RYR2: variants seen among roughly 807,000 people sequenced by gnomAD.
The protein encoded by RYR2 is cardiac muscle ryanodine receptor-calcium release channel.
A neutral mutation model predicts 601.1 loss-of-function variants in RYR2; 227 were observed. The observed-to-expected ratio is 0.38, with a 90% confidence interval of 0.34 to 0.42. The LOEUF (loss-of-function observed/expected upper bound fraction) is 0.42, where lower values mean the gene tolerates loss of function less well. Among genes scored for constraint, RYR2 ranks in the 10% least tolerant of loss-of-function variants. The pLI is 1.00. For missense variants in RYR2, 4,646 were observed against 6,156.5 expected (o/e 0.75, Z 8.21); for synonymous variants, 2,223 against 2,175.1 (o/e 1.02, Z -0.61).
intron 10 of RYR2, among the ~76,000 whole-genome samples, chr1:237,405,210 C>T (rs968251330): frequency 1.3e-5 from 2 of 152,300 alleles, no homozygotes; most frequent in Middle Eastern, 3.4e-3. Context: ...AGGACTGACC[C>T]TAAATTGTAG....
intron 2 of RYR2, among the ~76,000 whole-genome samples, chr1:237,300,944 G>A (rs1002129761): frequency 6.6e-6 from 1 of 151,980 alleles, no homozygotes; most frequent in African/African-American, 2.4e-5. Context: ...TCATGGAAAA[G>A]CAGAGTTCCT....
chr1:237,304,788 G>A (rs964699912), intron 2 of RYR2, among the ~76,000 whole-genome samples: 2 of 152,082 alleles, frequency 1.3e-5, no homozygotes, highest in African/African-American at 4.8e-5. Flanking sequence ...GGAAAACTCC[G>A]TTTTATTATT....
At chr1:237,607,371 C>A (rs1221649657) in intron 35 of RYR2, among the ~76,000 whole-genome samples, 2 of 144,034 alleles carry the variant, frequency 1.4e-5, no homozygotes, top group East Asian at 2.4e-4. Context: ...GGGAATTGAA[C>A]AATGAAAACA....
Position 237,713,197 on chromosome 1 carries a change from G to T in RYR2, c.10323+1360G>T, listed in dbSNP as rs569410539. On this transcript the variant is annotated intron_variant, in intron 71 of 104. Transcript: ENST00000366574. ...CCCTCTTTTCCATCAGTTGAGTCCA[G>T]TGATTCTCAAAGATACTCTCAAAGC... Among the ~76,000 whole-genome samples the T allele has an allele frequency of 6.9e-4, 105 of 152,196 alleles. 1 individual carries two copies. The South Asian group carries it at 9.9e-3, about 14-fold the overall frequency.
intron 3 of RYR2, among the ~76,000 whole-genome samples, chr1:237,339,873 C>T (rs2149607829): frequency 6.6e-6 from 1 of 152,280 alleles, no homozygotes; most frequent in East Asian, 1.9e-4. Flanking sequence ...CCAGGAATTC[C>T]CTGGCAGAAT....
intron 1 of RYR2, among the ~76,000 whole-genome samples, chr1:237,138,244 G>C (rs963294608): frequency 3.3e-5 from 5 of 152,082 alleles, no homozygotes; most frequent in African/African-American, 1.2e-4. Flanking sequence ...TGTTGCCCAG[G>C]CTGGTCTTGA....
In RYR2 at chr1:237,425,494, C is replaced by T. The variant is rs146690754; in HGVS notation, c.1005+2246C>T. ...ACTAAAAATACAAAAATTAGTCGGG[C>T]GTGGTGACATGTGCCTGCAGTCCCA... On this transcript the variant is annotated intron_variant, in intron 12 of 104. Coordinates refer to ENST00000366574, the MANE Select transcript of RYR2 (RefSeq NM_001035.3). 1.4e-3 allele frequency among the ~76,000 whole-genome samples: 209 copies of T among 152,036 alleles called. 3 individuals are homozygous for T. Among genetic ancestry groups the T allele is most frequent in the African/African-American group, 4.3e-3 (179 of 41,504 alleles).
intron 100 of RYR2, among the ~76,000 whole-genome samples, chr1:237,815,298 G>T (rs1574068012): frequency 6.6e-6 from 1 of 152,212 alleles, no homozygotes; most frequent in Non-Finnish European, 1.5e-5. Context: ...GTGGATAAAA[G>T]GATTTTCAGT....
intron 44 of RYR2, among the ~76,000 whole-genome samples, chr1:237,637,375 A>G (rs866645497): frequency 2.0e-5 from 3 of 152,212 alleles, no homozygotes; most frequent in African/African-American, 4.8e-5. Context: ...ATTGTAGAGG[A>G]CTAACATTCG....
At chr1:237,402,875 G>A (rs1169006402) in intron 10 of RYR2, among the ~76,000 whole-genome samples, 2 of 152,208 alleles carry the variant, frequency 1.3e-5, no homozygotes, top group Non-Finnish European at 2.9e-5. Context: ...TCGATGTCCT[G>A]GCCTCAAACC....
chr1:237,378,958 C>G (rs931798731), intron 8 of RYR2, among the ~76,000 whole-genome samples: 2 of 152,064 alleles, frequency 1.3e-5, no homozygotes, highest in Non-Finnish European at 2.9e-5. Context: ...TACTTTTGTC[C>G]CTTAACCAAT....
chr1:237,409,148 A>G (rs1421855874), intron 10 of RYR2, among the ~76,000 whole-genome samples: 1 of 152,118 alleles, frequency 6.6e-6, no homozygotes, highest in Non-Finnish European at 1.5e-5. Flanking sequence ...GTCTGTATAC[A>G]TTTAATTTCC....
chr1:237,634,415 C>T (rs1028745643), intron 43 of RYR2, among the ~76,000 whole-genome samples: 2 of 152,016 alleles, frequency 1.3e-5, no homozygotes, highest in African/African-American at 2.4e-5. Context: ...AAATCAAAGT[C>T]GAACTCATAG....
chr1:237,775,295 T>C (rs1407021909), intron 87 of RYR2, among the ~76,000 whole-genome samples: 1 of 152,186 alleles, frequency 6.6e-6, no homozygotes, highest in Non-Finnish European at 1.5e-5. Context: ...TTGTCAAAAC[T>C]AAGAAATTAA....
At chr1:237,406,196 T>TCCCCTCCTC (rs1703869959) in intron 10 of RYR2, among the ~76,000 whole-genome samples, 1 of 55,974 alleles carries the variant, frequency 1.8e-5, no homozygotes, top group African/African-American at 1.0e-4. Context: ...TCCCCTTCCC[T>TCCCCTCCTC]TCCCTCCCCT....
chr1:237,489,725 G>T (rs1663111242), intron 17 of RYR2, among the ~76,000 whole-genome samples: 1 of 152,188 alleles, frequency 6.6e-6, no homozygotes, highest in Non-Finnish European at 1.5e-5. Flanking sequence ...AAAGCAGTTT[G>T]GAGATTTATC....
chr1:237,805,965 G>C (rs1018762854), intron 98 of RYR2, among the ~76,000 whole-genome samples, 172 bp from the exon 99 acceptor site: 3 of 151,822 alleles, frequency 2.0e-5, no homozygotes, highest in African/African-American at 7.3e-5. Flanking sequence ...CCAATCTCTA[G>C]TGTCCTCTCT....
At chr1:237,132,768 G>A (rs1672298177) in intron 1 of RYR2, among the ~76,000 whole-genome samples, 1 of 152,168 alleles carries the variant, frequency 6.6e-6, no homozygotes, top group Non-Finnish European at 1.5e-5. Context: ...TATCCAAGAA[G>A]CTTAGAGAAC....
At chr1:237,385,794 TA>T (rs1701916481) in intron 8 of RYR2, among the ~76,000 whole-genome samples, 1 of 152,218 alleles carries the variant, frequency 6.6e-6, no homozygotes, top group South Asian at 2.1e-4. Flanking sequence ...TGATTTTTGT[TA>T]GCTTCTCCAC....
Sources: allele counts gnomAD v4.1 joint callset (sites outside exome capture counted in the v4.1 genomes callset), GRCh38; gene constraint gnomAD v4.1.1; transcripts MANE v1.5; gene names NCBI Gene and HGNC (gene_info 2026-07-23, HGNC 2026-07-21).